BMP7: variants seen among roughly 807,000 people sequenced by gnomAD.
BMP7 encodes bone morphogenetic protein 7.
Under a neutral mutation model 41.2 loss-of-function variants are expected in BMP7, and 12 were observed. The observed-to-expected ratio is 0.29, with a 90% CI of 0.19 to 0.47. BMP7 has a LOEUF of 0.47. Ranked by LOEUF, BMP7 falls within the 20% of genes least tolerant of loss-of-function variation. The pLI is 0.99. For synonymous variants in BMP7, 248 were observed against 250.0 expected (o/e 0.99, Z 0.07); for missense variants, 467 against 606.0 (o/e 0.77, Z 2.41).
chr20:57,202,436 A>G (rs770261904), intron 3 of BMP7, 39 bp downstream of exon 3: 7 of 1,597,242 alleles, frequency 4.4e-6, no homozygotes, highest in Non-Finnish European at 5.9e-6. Flanking sequence ...GTCCAGGAGC[A>G]CAGGCTGCAT....
Position 57,171,091 on chromosome 20 carries a change from C to A in BMP7, c.1164G>T (p.Pro388=). 6.2e-7 allele frequency: 1 copy of A among 1,614,120 alleles called. No individual in the cohort carries two copies. Among genetic ancestry groups the A allele is most frequent in the Non-Finnish European group, 8.5e-7 (1 of 1,180,024 alleles). The change falls in exon 7 of 7, where the codon CCG becomes CCT. Residue 388 remains proline (P), a synonymous_variant. Coordinates refer to ENST00000395863, the MANE Select transcript of BMP7 (RefSeq NM_001719.3). This position sits in a 1 kb window ranked among gnomAD's most constrained non-coding sequence, Gnocchi z 4.5. ...CACAGCAGGGCTTGGGCACCGTTTC[C>A]GGGTTGATGAAGTGGACCTGAAACA... The part of the protein sequence containing the change: ...IVQTLVHFIN[P]ETVPKPCCAP...
chr20:57,172,983 A>T (rs1983844033), intron 6 of BMP7: 1 of 616,598 alleles, frequency 1.6e-6, no homozygotes, highest in African/African-American at 1.8e-5. Context: ...GGAGAAATAA[A>T]TGAACTCCAG....
intron 4 of BMP7, 135 bp downstream of exon 4, chr20:57,183,587 T>C (rs1984137867): frequency 8.4e-7 from 1 of 1,186,738 alleles, no homozygotes; most frequent in African/African-American, 1.5e-5. Context: ...ATTTGGGGGT[T>C]TTCTTCCTGC....
intron 1 of BMP7, among the ~76,000 whole-genome samples, chr20:57,244,575 C>A (rs1247499124): frequency 1.3e-5 from 2 of 152,232 alleles, no homozygotes; most frequent in South Asian, 2.1e-4. Context: ...CAGCAGTGAC[C>A]CAGGACAAGT....
intron 4 of BMP7, among the ~76,000 whole-genome samples, chr20:57,182,395 A>G (rs1438804242): frequency 6.6e-6 from 1 of 152,222 alleles, no homozygotes; most frequent in Admixed American, 6.5e-5. Context: ...CAATCAGCCT[A>G]TGGGGAAAGG....
intron 4 of BMP7, 60 bp downstream of exon 4, chr20:57,183,662 C>G: frequency 6.2e-7 from 1 of 1,606,862 alleles, no homozygotes; most frequent in African/African-American, 1.3e-5. Context: ...CCTGCCGGGT[C>G]CCGCCGGGGC....
At chr20:57,211,524 C>T (rs978690294) in intron 2 of BMP7, among the ~76,000 whole-genome samples, 11 of 146,240 alleles carry the variant, frequency 7.5e-5, no homozygotes, top group African/African-American at 3.1e-4. Flanking sequence ...TATGCCACCT[C>T]CCAGGCCCTG....
Position 57,207,820 on chromosome 20 carries a change from T to G in BMP7, c.612-5197A>C, listed in dbSNP as rs918133727. Among the ~76,000 whole-genome samples the G allele has an allele frequency of 6.2e-4, 80 of 129,740 alleles. 6 individuals carry two copies. Among genetic ancestry groups the G allele is most frequent in the East Asian group, 2.4e-3 (11 of 4,670 alleles). The allele number at this position is 129,740 out of a possible 152,430, so 85.1% of individuals were successfully genotyped here. On this transcript the variant is annotated intron_variant, in intron 2 of 6. Transcript: ENST00000395863. ...CCCCATACCCCAGTTGGTTTTTTTTTTTTTTTTTTTTTTTTTTTTTGAGAC... is the reference window on the plus strand; with the variant it reads ...CCCCATACCCCAGTTGGTTTTTTTTGTTTTTTTTTTTTTTTTTTTTGAGAC...
At chr20:57,178,270 G>T (rs976637036) in intron 4 of BMP7, among the ~76,000 whole-genome samples, 1 of 152,212 alleles carries the variant, frequency 6.6e-6, no homozygotes, top group Admixed American at 6.5e-5. Context: ...AGGATCAGAG[G>T]CAGGCACTGA....
In BMP7 at chr20:57,259,820, C is replaced by A. The variant is rs940097507; in HGVS notation, c.418+5885G>T. 8.5e-5 allele frequency among the ~76,000 whole-genome samples: 13 copies of A among 152,204 alleles called. No individual in the cohort carries two copies. The highest frequency in any genetic ancestry group is 2.9e-4 in the African/African-American group (12 of 41,458). On this transcript the variant is annotated intron_variant, in intron 1 of 6. Coordinates refer to ENST00000395863, the MANE Select transcript of BMP7 (RefSeq NM_001719.3). The surrounding 1 kb of genome is among the most constrained non-coding windows in gnomAD (Gnocchi z 4.7). ...AATACACAGCAGCAGTCCTAGTATT[C>A]CCTGGCATTGCTATTTCAGTTTGAG...
chr20:57,202,693 G>GT, intron 2 of BMP7, 70 bp from the exon 3 acceptor site: 2 of 772,298 alleles, frequency 2.6e-6, no homozygotes, highest in African/African-American at 1.8e-5. Flanking sequence ...CAACAGATGG[G>GT]AAGCAGAGCC....
intron 2 of BMP7, among the ~76,000 whole-genome samples, chr20:57,226,489 C>T (rs1307465576): frequency 6.6e-6 from 1 of 152,250 alleles, no homozygotes; most frequent in Non-Finnish European, 1.5e-5. Flanking sequence ...CACCATCCAT[C>T]ATAGAACAGA....
At chr20:57,232,877 A>ACG (rs1357862671) in intron 1 of BMP7, among the ~76,000 whole-genome samples, 3 of 151,800 alleles carry the variant, frequency 2.0e-5, no homozygotes, top group Non-Finnish European at 4.4e-5. Context: ...ACACACACAC[A>ACG]CACACACACA....
At chr20:57,202,104 T>C (rs1984634571) in intron 3 of BMP7, among the ~76,000 whole-genome samples, 1 of 152,116 alleles carries the variant, frequency 6.6e-6, no homozygotes, top group Non-Finnish European at 1.5e-5. Flanking sequence ...CACGGAACAG[T>C]CCAGAATGTC....
chr20:57,238,878 T>C (rs888844086), intron 1 of BMP7, among the ~76,000 whole-genome samples: 5 of 152,052 alleles, frequency 3.3e-5, no homozygotes, highest in African/African-American at 1.2e-4. Context: ...ATCATGAGAA[T>C]AGCACAGGAA....
chr20:57,254,580 C>T (rs1000459593), intron 1 of BMP7, among the ~76,000 whole-genome samples: 3 of 151,690 alleles, frequency 2.0e-5, no homozygotes, highest in Admixed American at 1.3e-4. Context: ...CAAATGGTTA[C>T]ATCCTAAACA....
chr20:57,183,744 G>A lies in BMP7; in HGVS notation c.936C>T (p.Ala312=). 1 of 1,614,118 alleles carries A rather than the reference G, an allele frequency of 6.2e-7. No homozygotes were observed. Among genetic ancestry groups the A allele is most frequent in the Admixed American group, 1.7e-5 (1 of 60,030 alleles). The change falls in exon 4 of 7, where the codon GCC becomes GCT. Residue 312 remains alanine (A), a synonymous_variant. Coordinates refer to ENST00000395863, the MANE Select transcript of BMP7 (RefSeq NM_001719.3). ...TACCTGCCACGTTGGCCATCCGCAG[G>A]GCTTCCTGGTTCTTGGGCGTCTTGG... The part of the protein sequence containing the change: ...NRSKTPKNQE[A]LRMANVAENS...
At chr20:57,250,893 G>C (rs180713864) in intron 1 of BMP7, among the ~76,000 whole-genome samples, 115 of 152,198 alleles carry the variant, frequency 7.6e-4, no homozygotes, top group Non-Finnish European at 1.3e-3. Context: ...GTGTCCAGTC[G>C]ACACCGACAA....
At chr20:57,242,223 G>A (rs2066072560) in intron 1 of BMP7, among the ~76,000 whole-genome samples, 2 of 152,290 alleles carry the variant, frequency 1.3e-5, no homozygotes, top group Non-Finnish European at 2.9e-5. Flanking sequence ...AACTTAGGAG[G>A]GGGTGCTCCT....
Sources: gnomAD v4.1 joint callset for allele counts (sites outside exome capture counted in the v4.1 genomes callset) on GRCh38, gnomAD v4.1.1 for gene constraint, Gnocchi (gnomAD v3.1) non-coding constraint, MANE v1.5 for transcripts, NCBI Gene and HGNC (gene_info 2026-07-23, HGNC 2026-07-21) for gene names.